SRBD1: variants seen among roughly 807,000 people sequenced by gnomAD.
SRBD1 encodes S1 RNA-binding domain-containing protein 1.
SRBD1 carries 88 observed loss-of-function variants against 115.3 expected under a neutral mutation model. The ratio of observed to expected loss-of-function variants is 0.76; its 90% confidence interval spans 0.64 to 0.91. The LOEUF is 0.91. Among genes scored for constraint, SRBD1 ranks in the 40% least tolerant of loss-of-function variants. SRBD1 has a pLI of 0.00. For missense variants in SRBD1, 1,385 were observed against 1,177.4 expected (o/e 1.18, Z -2.58); for synonymous variants, 509 against 407.7 (o/e 1.25, Z -2.99).
At chr2:45,565,417 C>T (rs13313778) in intron 9 of SRBD1, among the ~76,000 whole-genome samples, 3 of 152,026 alleles carry the variant, frequency 2.0e-5, no homozygotes, top group Admixed American at 1.3e-4. Context: ...AACTAGAACT[C>T]ACCACATGCA....
At chr2:45,389,658 C>T (rs1232186457) in intron 20 of SRBD1, 59 bp from the exon 21 acceptor site, 1 of 1,510,502 alleles carries the variant, frequency 6.6e-7, no homozygotes, top group South Asian at 1.2e-5. Flanking sequence ...TACAACATAA[C>T]TTTGTGAATA....
chr2:45,482,838 G>T (rs1026884346), intron 15 of SRBD1, among the ~76,000 whole-genome samples: 8 of 151,966 alleles, frequency 5.3e-5, no homozygotes, highest in Non-Finnish European at 1.2e-4. Context: ...AGTACCATTT[G>T]CATAGAACCT....
intron 7 of SRBD1, among the ~76,000 whole-genome samples, chr2:45,576,843 G>T (rs960511579): frequency 7.9e-5 from 12 of 152,126 alleles, no homozygotes; most frequent in African/African-American, 2.9e-4. Flanking sequence ...GAGGACAGAA[G>T]AAATTATAGA....
At chr2:45,559,138 G>A (rs1036346156) in intron 10 of SRBD1, among the ~76,000 whole-genome samples, 2 of 152,052 alleles carry the variant, frequency 1.3e-5, no homozygotes, top group African/African-American at 4.8e-5. Flanking sequence ...TACCACCCTA[G>A]TCTAAGCTAC....
chr2:45,566,163 G>C (rs562284323), intron 9 of SRBD1, among the ~76,000 whole-genome samples: 2 of 152,068 alleles, frequency 1.3e-5, no homozygotes, highest in South Asian at 4.1e-4. Context: ...TTCCTCAAAA[G>C]GTTAAATGTA....
At chr2:45,598,799 G>A (rs918679851) in intron 4 of SRBD1, among the ~76,000 whole-genome samples, 1 of 151,812 alleles carries the variant, frequency 6.6e-6, no homozygotes, top group Non-Finnish European at 1.5e-5. Context: ...TAACAGGGAG[G>A]GAAGTCACCC....
intron 19 of SRBD1, among the ~76,000 whole-genome samples, chr2:45,397,551 A>G (rs1320250218): frequency 1.3e-5 from 2 of 152,198 alleles, no homozygotes; most frequent in Non-Finnish European, 2.9e-5. Flanking sequence ...CTGTTCTAGC[A>G]GTCAAATCAA....
intron 16 of SRBD1, among the ~76,000 whole-genome samples, chr2:45,455,926 A>G (rs1352977561): frequency 6.6e-6 from 1 of 151,934 alleles, no homozygotes. Context: ...CCACTTGTTA[A>G]AACTGTAACA....
At chr2:45,485,240 G>C (rs184152068) in intron 15 of SRBD1, among the ~76,000 whole-genome samples, 106 of 152,186 alleles carry the variant, frequency 7.0e-4, no homozygotes, top group Admixed American at 2.2e-3. Context: ...GAACCTATAG[G>C]GGTTTCGTGA....
At chr2:45,513,786 G>GT (rs34065242) in intron 14 of SRBD1, among the ~76,000 whole-genome samples, 21 of 151,522 alleles carry the variant, frequency 1.4e-4, no homozygotes, top group East Asian at 1.2e-3. Context: ...GTTCAAAACA[G>GT]TTTTTTTTTG....
intron 14 of SRBD1, among the ~76,000 whole-genome samples, chr2:45,542,093 G>T (rs1311335140): frequency 6.6e-6 from 1 of 152,182 alleles, no homozygotes; most frequent in African/African-American, 2.4e-5. Context: ...TTTGTGCCAG[G>T]GGACACCTGT....
chr2:45,553,503 A>T lies in SRBD1; in HGVS notation c.1517+120T>A, dbSNP rs563811988. 45 of 539,956 alleles carry T rather than the reference A, an allele frequency of 8.3e-5. No homozygotes were observed. In the South Asian group the frequency reaches 2.0e-3, roughly 24 times the overall value. The allele number at this position is 539,956 out of a possible 1,614,324, so 33.4% of individuals were successfully genotyped here. A position where few individuals can be genotyped will look rare whatever the true frequency, so the allele number is the denominator to read the frequency against. ...CAAGCCTTAACTTTAACACTTTGTG[A>T]TGCTGACTAAATTCTTTCGATTGGT... On this transcript the variant is annotated intron_variant, in intron 11 of 20. Coordinates refer to ENST00000263736, the MANE Select transcript of SRBD1 (RefSeq NM_018079.5).
At position 45,585,662 on chromosome 2, in the gene SRBD1, T is replaced by C. The variant is rs750577921; in HGVS notation, c.761A>G (p.Asn254Ser). The C allele has an allele frequency of 2.5e-6, 4 of 1,612,644 alleles. No individual in the cohort carries two copies. The Admixed American group carries it at 6.7e-5, about 27-fold the overall frequency. The change falls in exon 5 of 21, where the codon AAT (asparagine) becomes AGT (serine). Residue 254 changes from asparagine to serine, a missense_variant. Asn to Ser is a conservative substitution (Grantham distance 46). Coordinates refer to ENST00000263736, the MANE Select transcript of SRBD1 (RefSeq NM_018079.5). ...FIIRYRKELINNLDADSLREV... is the reference protein window; with the variant it reads ...FIIRYRKELISNLDADSLREV... ...TCTCAAGGAATCAGCATCAAGGTTA[T>C]TAATGAGCTCTTTTCTATAACGTAT... is the stretch of plus-strand genomic sequence containing the variant.
intron 16 of SRBD1, among the ~76,000 whole-genome samples, chr2:45,442,363 C>T (rs1572645672): frequency 1.3e-5 from 2 of 152,232 alleles, no homozygotes; most frequent in East Asian, 1.9e-4. Context: ...GAAAATGTTG[C>T]CTTTAGACAT....
At chr2:45,529,960 G>C (rs1445003506) in intron 14 of SRBD1, among the ~76,000 whole-genome samples, 1 of 151,908 alleles carries the variant, frequency 6.6e-6, no homozygotes, top group South Asian at 2.1e-4. Context: ...TATATTGCTG[G>C]ACATAACTTA....
chr2:45,529,466 G>A (rs1206638648), intron 14 of SRBD1, among the ~76,000 whole-genome samples: 2 of 151,832 alleles, frequency 1.3e-5, no homozygotes, highest in Non-Finnish European at 1.5e-5. Flanking sequence ...AACCTTGAAT[G>A]AGAAAAATGT....
intron 10 of SRBD1, among the ~76,000 whole-genome samples, chr2:45,561,032 G>A (rs1367107000): frequency 1.3e-5 from 2 of 152,072 alleles, no homozygotes; most frequent in African/African-American, 4.8e-5. Flanking sequence ...ACTGGAGTCT[G>A]GGAGATTGAG....
At chr2:45,565,330 T>C (rs999184756) in intron 9 of SRBD1, among the ~76,000 whole-genome samples, 5 of 152,138 alleles carry the variant, frequency 3.3e-5, no homozygotes, top group African/African-American at 1.2e-4. Flanking sequence ...CTTATACATA[T>C]AGTGTCAACT....
rs79479240 is a variant in SRBD1 at position 45,463,566 on chromosome 2, C to T, written c.2049+13427G>A. The stretch of plus-strand genomic sequence containing the variant: ...TATTTCTCTTCTCAATTGCTATAAT[C>T]ACCTAGCACAATCTTATATTTGGGT... On this transcript the variant is annotated intron_variant, in intron 16 of 20. Transcript: ENST00000263736. 6.0e-3 allele frequency among the ~76,000 whole-genome samples: 909 copies of T among 152,238 alleles called. 7 individuals carry two copies. Among genetic ancestry groups the T allele is most frequent in the African/African-American group, 0.021 (882 of 41,536 alleles).
Sources: gnomAD v4.1 joint callset for allele counts (sites outside exome capture counted in the v4.1 genomes callset) on GRCh38, gnomAD v4.1.1 for gene constraint, MANE v1.5 for transcripts, NCBI Gene and HGNC (gene_info 2026-07-23, HGNC 2026-07-21) for gene names.